The following INSL6 variants were observed in gnomAD, a reference collection of about 807,000 sequenced individuals.
The protein encoded by INSL6 is insulin like 6, also known as insulin-like peptide INSL6.
Under a neutral mutation model 9.4 loss-of-function variants are expected in INSL6, and 16 were observed. That is an observed-to-expected ratio of 1.70 (90% CI 1.15 to 2.59). The LOEUF (loss-of-function observed/expected upper bound fraction) is 2.59. Ranked by LOEUF, INSL6 falls within the 30% of genes most tolerant of loss-of-function variation. The pLI, the probability that INSL6 is intolerant of heterozygous loss-of-function variation, is 0.00. For missense variants in INSL6, 391 were observed against 257.3 expected (o/e 1.52, Z -3.56); for synonymous variants, 154 against 96.9 (o/e 1.59, Z -3.46).
chr9:5,000,676 A>G, the INSL6 span, among the ~76,000 whole-genome samples: 1 of 152,254 alleles, frequency 6.6e-6, no homozygotes, highest in African/African-American at 2.4e-5. Context: ...ACATTTTTTT[A>G]GTGGAAGGTT....
chr9:5,090,129 T>C, the INSL6 span, among the ~76,000 whole-genome samples: 1 of 152,248 alleles, frequency 6.6e-6, no homozygotes, highest in African/African-American at 2.4e-5. Flanking sequence ...TTACATTTTC[T>C]ATAAAAATAT....
At chr9:5,034,459 C>T in the INSL6 span, among the ~76,000 whole-genome samples, 8 of 152,218 alleles carry the variant, frequency 5.3e-5, no homozygotes, top group African/African-American at 1.4e-4. Context: ...CACACCACAC[C>T]TATTCCAAAA....
At position 5,129,145 on chromosome 9, in the gene INSL6, A is replaced by G. The variant is rs555575793; in HGVS notation, c.*10+4280T>C. Among the ~76,000 whole-genome samples, 25 of 152,188 alleles carry G rather than the reference A, an allele frequency of 1.6e-4. No homozygotes were observed. The South Asian group carries it at 3.3e-3, about 20-fold the overall frequency. On this transcript the variant is annotated intron_variant, in intron 3 of 3. Coordinates refer to the INSL6 transcript ENST00000649639. ...TTAAATTTTATTTAAACAGCTACAA[A>G]AGAGTTAGCAAATACCTACAGTTCT...
intron 1 of INSL6, among the ~76,000 whole-genome samples, chr9:5,174,992 T>G (rs1451136848): frequency 1.3e-5 from 2 of 151,178 alleles, no homozygotes; most frequent in Non-Finnish European, 2.9e-5. Flanking sequence ...CAGGCTGGAG[T>G]GCCGTGGCGT....
At chr9:5,064,213 G>C in the INSL6 span, among the ~76,000 whole-genome samples, 1 of 151,998 alleles carries the variant, frequency 6.6e-6, no homozygotes, top group Non-Finnish European at 1.5e-5. Flanking sequence ...TTAGTTTGTA[G>C]CATGAATACT....
intron 1 of INSL6, among the ~76,000 whole-genome samples, chr9:5,168,502 T>C (rs1216290414): frequency 6.6e-6 from 1 of 151,934 alleles, no homozygotes; most frequent in Non-Finnish European, 1.5e-5. Flanking sequence ...ACTATCTTGC[T>C]GAAATAAGGC....
the INSL6 span, among the ~76,000 whole-genome samples, chr9:5,049,946 A>T: frequency 0.088 from 13,427 of 152,202 alleles, 1,822 homozygotes; most frequent in African/African-American, 0.3. Context: ...TACAGTAAAA[A>T]TGCAGTATTA....
chr9:5,131,020 C>T (rs904383131), intron 3 of INSL6, among the ~76,000 whole-genome samples: 5 of 152,112 alleles, frequency 3.3e-5, no homozygotes, highest in Non-Finnish European at 5.9e-5. Flanking sequence ...TGAGCCACCG[C>T]GCCCAGCCCG....
the INSL6 span, among the ~76,000 whole-genome samples, chr9:5,113,233 C>A: frequency 8.9e-6 from 1 of 112,704 alleles, no homozygotes. Context: ...GTAAACAAAA[C>A]CTGAATGCAA....
chr9:5,120,643 T>C (rs1163498999), downstream of INSL6, among the ~76,000 whole-genome samples: 2 of 152,158 alleles, frequency 1.3e-5, no homozygotes. Context: ...CATTGGATGA[T>C]CTTTGTACAT....
At chr9:5,021,338 C>G in the INSL6 span, among the ~76,000 whole-genome samples, 1 of 152,222 alleles carries the variant, frequency 6.6e-6, no homozygotes, top group Admixed American at 6.5e-5. Context: ...CTGGACCCCT[C>G]TTCCCCCAAT....
the INSL6 span, chr9:5,114,854 G>T: frequency 4.3e-6 from 1 of 231,954 alleles, no homozygotes; most frequent in Non-Finnish European, 8.6e-6. Context: ...GCTGTGTGGT[G>T]GGAAGGGCTG....
the INSL6 span, among the ~76,000 whole-genome samples, chr9:5,022,842 TAGAA>T: frequency 1.3e-5 from 2 of 152,238 alleles, no homozygotes; most frequent in African/African-American, 4.8e-5. Flanking sequence ...GTTCTTTTAA[TAGAA>T]AGACTAGTTG....
the INSL6 span, among the ~76,000 whole-genome samples, chr9:5,115,207 C>T: frequency 1.3e-5 from 2 of 152,028 alleles, no homozygotes; most frequent in South Asian, 4.1e-4. Flanking sequence ...AGAACTTAAA[C>T]AAGTTCACAA....
At chr9:5,088,852 A>T in the INSL6 span, among the ~76,000 whole-genome samples, 1 of 152,170 alleles carries the variant, frequency 6.6e-6, no homozygotes, top group Admixed American at 6.5e-5. Flanking sequence ...TTATAACCTA[A>T]TTTAACTTTT....
chr9:5,029,863 C>A, the INSL6 span: 1 of 1,612,188 alleles, frequency 6.2e-7, no homozygotes, highest in Non-Finnish European at 8.5e-7. Context: ...CCATGTCTTC[C>A]ATATAGATGA....
At chr9:5,122,398 G>C (rs376429336), downstream of INSL6, among the ~76,000 whole-genome samples, 1 of 152,060 alleles carries the variant, frequency 6.6e-6, no homozygotes, top group South Asian at 2.1e-4. Context: ...ATAGCTTTAA[G>C]TCTTGCCTTG....
the INSL6 span, among the ~76,000 whole-genome samples, chr9:5,043,433 C>T: frequency 3.3e-5 from 5 of 152,066 alleles, no homozygotes; most frequent in Non-Finnish European, 7.4e-5. Flanking sequence ...TGGCAAAAAT[C>T]AGAAAGACAA....
the INSL6 span, among the ~76,000 whole-genome samples, chr9:5,029,226 G>A: frequency 6.6e-6 from 1 of 152,122 alleles, no homozygotes; most frequent in Non-Finnish European, 1.5e-5. Context: ...AGGGAATAGA[G>A]AGGCCTAAGG....
Sources: allele counts gnomAD v4.1 joint callset (sites outside exome capture counted in the v4.1 genomes callset), GRCh38; gene constraint gnomAD v4.1.1; transcripts MANE v1.5; gene names NCBI Gene and HGNC (gene_info 2026-07-23, HGNC 2026-07-21).